The following SHB variants were observed in gnomAD, a reference collection of about 807,000 sequenced individuals.
SHB encodes the protein SH2 domain containing adaptor protein B.
Under a neutral mutation model 52.3 loss-of-function variants are expected in SHB, and 20 were observed. The observed-to-expected ratio is 0.38, with a 90% CI of 0.27 to 0.56. SHB has a LOEUF of 0.56. SHB is among the 20% of genes least tolerant of loss of function. The pLI is 0.71. For missense variants in SHB, 825 were observed against 723.3 expected (o/e 1.14, Z -1.61); for synonymous variants, 397 against 316.5 (o/e 1.25, Z -2.70).
intron 5 of SHB, among the ~76,000 whole-genome samples, chr9:37,948,406 A>G (rs568861775): frequency 5.3e-5 from 8 of 152,342 alleles, no homozygotes; most frequent in Non-Finnish European, 8.8e-5. Context: ...AGTTAATACA[A>G]AATCCTAGAA....
chr9:37,980,535 T>C (rs1820712517), intron 2 of SHB, among the ~76,000 whole-genome samples: 1 of 152,228 alleles, frequency 6.6e-6, no homozygotes, highest in Admixed American at 6.5e-5. Context: ...CTCAAAGTCA[T>C]CTGTGAGGAC....
intron 1 of SHB, among the ~76,000 whole-genome samples, chr9:38,018,405 T>C (rs1821243687): frequency 6.6e-6 from 1 of 152,086 alleles, no homozygotes; most frequent in Non-Finnish European, 1.5e-5. Context: ...CTTACTTCCG[T>C]TTCAGTAAGA....
At position 37,918,508 on chromosome 9, in the gene SHB, T is replaced by C. The variant is rs148643779; in HGVS notation, c.*1313A>G. ...AGGGCTGTGTGTGTGTGTGTGTGTG[T>C]GTGTGTAGGTGTTCTTGTGTGTGGA... On this transcript the variant is annotated 3_prime_UTR_variant, in exon 6 of 6. Coordinates refer to ENST00000377707, the MANE Select transcript of SHB (RefSeq NM_003028.3). Among the ~76,000 whole-genome samples, 76 of 135,526 alleles carry C rather than the reference T, an allele frequency of 5.6e-4. 1 individual carries two copies. The South Asian group carries it at 0.013, about 24-fold the overall frequency. The allele number at this position is 135,526 out of a possible 152,430, so 88.9% of individuals were successfully genotyped here.
At chr9:37,960,983 G>C (rs181570459) in intron 3 of SHB, among the ~76,000 whole-genome samples, 460 of 152,300 alleles carry the variant, frequency 3.0e-3, no homozygotes, top group African/African-American at 0.01. Flanking sequence ...TGCTGGTCTG[G>C]CAGGAGCTGG....
intron 3 of SHB, among the ~76,000 whole-genome samples, chr9:37,965,095 T>A (rs1475865313): frequency 6.6e-6 from 1 of 152,208 alleles, no homozygotes; most frequent in East Asian, 1.9e-4. Context: ...GGCTGGGCAT[T>A]TGTGGAAATG....
At chr9:37,939,817 T>C (rs573554153) in intron 5 of SHB, among the ~76,000 whole-genome samples, 2 of 152,322 alleles carry the variant, frequency 1.3e-5, no homozygotes, top group East Asian at 3.9e-4. Context: ...TCTGTAAAAA[T>C]GATGGCAATG....
chr9:37,964,748 T>C, intron 3 of SHB, among the ~76,000 whole-genome samples: 1 of 152,142 alleles, frequency 6.6e-6, no homozygotes, highest in Non-Finnish European at 1.5e-5. Flanking sequence ...ACCACAGTGA[T>C]ACATCTATGA....
chr9:38,038,831 G>A (rs1224027111), intron 1 of SHB, among the ~76,000 whole-genome samples: 2 of 152,124 alleles, frequency 1.3e-5, no homozygotes, highest in South Asian at 4.1e-4. Context: ...CAGTGGGCAG[G>A]GGCCACCCCC....
intron 4 of SHB, among the ~76,000 whole-genome samples, chr9:37,950,680 G>A (rs1832556035): frequency 6.6e-6 from 1 of 152,124 alleles, no homozygotes; most frequent in South Asian, 2.1e-4. Context: ...GGCCAGGCAA[G>A]CCACTGACCA....
At chr9:38,067,469 T>A (rs55948825) in intron 1 of SHB, among the ~76,000 whole-genome samples, 12,810 of 151,932 alleles carry the variant, frequency 0.084, 1,011 homozygotes, top group African/African-American at 0.17. Flanking sequence ...AGACAGCCGG[T>A]CCGGATCTGC....
At chr9:37,932,218 A>G (rs1832319490) in intron 5 of SHB, among the ~76,000 whole-genome samples, 1 of 143,922 alleles carries the variant, frequency 6.9e-6, no homozygotes, top group Admixed American at 7.4e-5. Context: ...GGAGGCAGTG[A>G]GCCAAGATCG....
At chr9:38,063,029 A>C (rs1321254932) in intron 1 of SHB, among the ~76,000 whole-genome samples, 5 of 152,234 alleles carry the variant, frequency 3.3e-5, no homozygotes, top group Non-Finnish European at 5.9e-5. Flanking sequence ...TGACCGATTA[A>C]GTGGTTACTA....
At chr9:38,020,478 T>C (rs1314305151) in intron 1 of SHB, among the ~76,000 whole-genome samples, 2 of 152,244 alleles carry the variant, frequency 1.3e-5, no homozygotes, top group African/African-American at 4.8e-5. Context: ...CAGGTATTGC[T>C]CAGCCCTGTT....
At chr9:37,983,312 G>C (rs1422610908) in intron 2 of SHB, among the ~76,000 whole-genome samples, 2 of 152,230 alleles carry the variant, frequency 1.3e-5, no homozygotes, top group Non-Finnish European at 2.9e-5. Context: ...CAGAGGCCCA[G>C]GGAGTCAAAA....
intron 1 of SHB, among the ~76,000 whole-genome samples, chr9:38,033,319 G>T (rs755571590): frequency 6.6e-6 from 1 of 152,178 alleles, no homozygotes; most frequent in Non-Finnish European, 1.5e-5. Flanking sequence ...CCATTTATCA[G>T]GGATAACACC....
intron 1 of SHB, among the ~76,000 whole-genome samples, chr9:38,050,866 A>AT (rs1243156856): frequency 6.6e-6 from 1 of 152,096 alleles, no homozygotes; most frequent in African/African-American, 2.4e-5. Context: ...TACAAAAAAA[A>AT]AGAGAGATTT....
intron 4 of SHB, among the ~76,000 whole-genome samples, 157 bp from the exon 5 acceptor site, chr9:37,948,911 G>A (rs143268353): frequency 1.4e-4 from 21 of 152,326 alleles, no homozygotes; most frequent in African/African-American, 4.1e-4. Flanking sequence ...TGCTGCTGCC[G>A]GGTCCTGGGG....
intron 5 of SHB, among the ~76,000 whole-genome samples, chr9:37,926,732 C>T (rs1832255173): frequency 6.6e-6 from 1 of 152,242 alleles, no homozygotes; most frequent in South Asian, 2.1e-4. Flanking sequence ...AAAGAGAGGG[C>T]CCTGCTATCT....
At position 38,068,363 on chromosome 9, in the gene SHB, G is replaced by A. The variant is rs1255036738; in HGVS notation, c.283C>T (p.Pro95Ser). The A allele has an allele frequency of 6.4e-6, 10 of 1,570,876 alleles. No individual in the cohort carries two copies. Among genetic ancestry groups the A allele is most frequent in the African/African-American group, 2.8e-5 (2 of 70,904 alleles). ...AGCGACGAGCCAGGCCCGTTGTAGG[G>A]GTCCTCGAAGTCTCGCTCCTTCTGC... Reference protein sequence around the residue: ...RAQKERDFEDPYNGPGSSLRK... With the variant: ...RAQKERDFEDSYNGPGSSLRK... Residue 95 changes from proline to serine, a missense_variant, in exon 1 of 6, where the codon CCC (proline) becomes TCC (serine). Physicochemically the swap from Pro to Ser is moderately conservative, Grantham distance 74 (BLOSUM62 -1). Transcript: ENST00000377707.
Sources: allele counts gnomAD v4.1 joint callset (sites outside exome capture counted in the v4.1 genomes callset), GRCh38; gene constraint gnomAD v4.1.1; transcripts MANE v1.5; gene names NCBI Gene and HGNC (gene_info 2026-07-23, HGNC 2026-07-21).